Variants in NOX4 observed in about 807,000 individuals in gnomAD.
NOX4 encodes NADPH oxidase 4.
A neutral mutation model predicts 87.6 loss-of-function variants in NOX4; 69 were observed. The ratio of observed to expected loss-of-function variants is 0.79; its 90% CI spans 0.65 to 0.96. The LOEUF is 0.96. Ranked by LOEUF, NOX4 falls within the 40% of genes least tolerant of loss-of-function variation. The pLI is 0.00. For missense variants in NOX4, 680 were observed against 681.5 expected (o/e 1.00, Z 0.02); for synonymous variants, 275 against 238.2 (o/e 1.15, Z -1.42).
At chr11:89,517,959 A>T in the NOX4 span, among the ~76,000 whole-genome samples, 1 of 152,118 alleles carries the variant, frequency 6.6e-6, no homozygotes, top group African/African-American at 2.4e-5. Flanking sequence ...TAATTAACTT[A>T]AAAACTCTAT....
chr11:89,370,900 T>G (rs187601094), intron 12 of NOX4, among the ~76,000 whole-genome samples: 1 of 152,172 alleles, frequency 6.6e-6, no homozygotes, highest in Non-Finnish European at 1.5e-5. Context: ...AGATCATTTC[T>G]GGAGCTATTT....
intron 8 of NOX4, among the ~76,000 whole-genome samples, chr11:89,417,644 T>C (rs1301348216): frequency 2.6e-5 from 4 of 152,160 alleles, no homozygotes; most frequent in Admixed American, 6.6e-5. Flanking sequence ...TAAGAAAATC[T>C]GGGTTTTTCA....
At chr11:89,516,488 T>C in the NOX4 span, among the ~76,000 whole-genome samples, 1 of 152,066 alleles carries the variant, frequency 6.6e-6, no homozygotes, top group Admixed American at 6.6e-5. Context: ...AGGCTTTTTT[T>C]TAAATCTCAA....
chr11:89,548,007 A>G, the NOX4 span: 2 of 152,012 alleles, frequency 1.3e-5, no homozygotes, highest in Admixed American at 1.3e-4. Context: ...AGAAAAAAGA[A>G]AAACCTTGGA....
chr11:89,465,392 C>T (rs1945638070), intron 2 of NOX4, among the ~76,000 whole-genome samples: 1 of 152,276 alleles, frequency 6.6e-6, no homozygotes, highest in African/African-American at 2.4e-5. Flanking sequence ...CATTGATGGG[C>T]ATTTGGGTTG....
At chr11:89,406,946 T>C (rs1942218991) in intron 8 of NOX4, among the ~76,000 whole-genome samples, 1 of 152,044 alleles carries the variant, frequency 6.6e-6, no homozygotes, top group African/African-American at 2.4e-5. Flanking sequence ...GATGTAGAGA[T>C]TCCAGGGGTT....
At chr11:89,439,263 G>T (rs149528314) in intron 6 of NOX4, among the ~76,000 whole-genome samples, 17 of 151,206 alleles carry the variant, frequency 1.1e-4, no homozygotes, top group African/African-American at 3.4e-4. Context: ...AAATACATTG[G>T]TTGATACGTA....
intron 2 of NOX4, among the ~76,000 whole-genome samples, chr11:89,469,077 C>G (rs1215099125): frequency 6.6e-6 from 1 of 152,142 alleles, no homozygotes; most frequent in African/African-American, 2.4e-5. Context: ...AAATTTTTGG[C>G]AAAGCTATTA....
intron 8 of NOX4, among the ~76,000 whole-genome samples, chr11:89,411,403 G>A (rs945658830): frequency 5.9e-5 from 9 of 152,128 alleles, no homozygotes; most frequent in African/African-American, 2.2e-4. Context: ...CAGCCACAGT[G>A]GGGTAGAGCA....
the NOX4 span, among the ~76,000 whole-genome samples, chr11:89,507,839 G>A: frequency 6.6e-6 from 1 of 151,730 alleles, no homozygotes; most frequent in African/African-American, 2.4e-5. Flanking sequence ...ACCAAGAATA[G>A]CAGTGATGGG....
chr11:89,416,905 T>C (rs542948926), intron 8 of NOX4, among the ~76,000 whole-genome samples: 2 of 152,302 alleles, frequency 1.3e-5, no homozygotes, highest in African/African-American at 4.8e-5. Flanking sequence ...ATCATTCATA[T>C]AATAAAAAGA....
At chr11:89,514,593 T>C in the NOX4 span, among the ~76,000 whole-genome samples, 3 of 152,162 alleles carry the variant, frequency 2.0e-5, no homozygotes, top group Middle Eastern at 3.4e-3. Context: ...GGGAAGAGCA[T>C]TGAGTACTTC....
At chr11:89,557,477 C>A in the NOX4 span, among the ~76,000 whole-genome samples, 4 of 152,174 alleles carry the variant, frequency 2.6e-5, no homozygotes, top group African/African-American at 4.8e-5. Flanking sequence ...ACATCACTGG[C>A]ACACTGCTGA....
chr11:89,375,365 G>A (rs2135068974), intron 11 of NOX4, among the ~76,000 whole-genome samples: 1 of 152,200 alleles, frequency 6.6e-6, no homozygotes, highest in East Asian at 1.9e-4. Flanking sequence ...GAGTGCAGTG[G>A]CACGATCTCG....
intron 15 of NOX4, among the ~76,000 whole-genome samples, chr11:89,337,850 C>G (rs1208373658): frequency 3.3e-5 from 5 of 151,936 alleles, no homozygotes; most frequent in Non-Finnish European, 7.4e-5. Context: ...CCTTAAGAGT[C>G]TCAAAATTGT....
At chr11:89,525,470 T>C in the NOX4 span, among the ~76,000 whole-genome samples, 1 of 152,094 alleles carries the variant, frequency 6.6e-6, no homozygotes, top group Non-Finnish European at 1.5e-5. Flanking sequence ...TCATTTGCAT[T>C]TCACTGAAGT....
At chr11:89,391,739 C>CAAA (rs11419337) in intron 11 of NOX4, among the ~76,000 whole-genome samples, 4 of 97,080 alleles carry the variant, frequency 4.1e-5, no homozygotes, top group Admixed American at 1.1e-4. Flanking sequence ...GACCTTGTCT[C>CAAA]AAAAAAAAAA....
intron 11 of NOX4, among the ~76,000 whole-genome samples, chr11:89,391,096 A>C (rs1356368590): frequency 6.6e-6 from 1 of 152,146 alleles, no homozygotes; most frequent in Non-Finnish European, 1.5e-5. Context: ...CTTTCAACAG[A>C]TATGCATTGA....
chr11:89,522,646 A>G, the NOX4 span, among the ~76,000 whole-genome samples: 17 of 152,336 alleles, frequency 1.1e-4, no homozygotes, highest in South Asian at 1.0e-3. Flanking sequence ...CCAAAATAAA[A>G]GTTTAAAATA....
Sources: gnomAD v4.1 joint callset for allele counts (sites outside exome capture counted in the v4.1 genomes callset) on GRCh38, gnomAD v4.1.1 for gene constraint, MANE v1.5 for transcripts, NCBI Gene and HGNC (gene_info 2026-07-23, HGNC 2026-07-21) for gene names.